ACMSD: variants seen among roughly 807,000 people sequenced by gnomAD.
ACMSD encodes the protein aminocarboxymuconate semialdehyde decarboxylase, also known as 2-amino-3-carboxymuconate-6-semialdehyde decarboxylase.
Under a neutral mutation model 45.9 loss-of-function variants are expected in ACMSD, and 37 were observed. The observed-to-expected ratio is 0.81, with a 90% CI of 0.62 to 1.06. ACMSD has a LOEUF of 1.06. ACMSD is among the 50% of genes least tolerant of loss of function. The pLI is 0.00. For synonymous variants in ACMSD, 138 were observed against 148.8 expected (o/e 0.93, Z 0.53); for missense variants, 434 against 420.9 (o/e 1.03, Z -0.27).
At chr2:134,884,252 C>A (rs934893971) in intron 8 of ACMSD, among the ~76,000 whole-genome samples, 8 of 152,162 alleles carry the variant, frequency 5.3e-5, no homozygotes, top group African/African-American at 1.7e-4. Context: ...CTGCAATGGG[C>A]ATCCAAAATC....
intron 2 of ACMSD, among the ~76,000 whole-genome samples, chr2:134,852,046 C>T (rs144119259): frequency 1.3e-5 from 2 of 152,026 alleles, no homozygotes; most frequent in South Asian, 2.1e-4. Flanking sequence ...CTGGATGAAT[C>T]GGGTTCCAAA....
chr2:134,857,885 T>C (rs1319450749), intron 2 of ACMSD: 1 of 151,026 alleles, frequency 6.6e-6, no homozygotes, highest in Non-Finnish European at 1.5e-5. Context: ...CCCACAGCTT[T>C]ATTCCTTCTA....
At chr2:134,873,150 G>T (rs546492575) in intron 8 of ACMSD, 1 of 161,520 alleles carries the variant, frequency 6.2e-6, no homozygotes, top group African/African-American at 2.4e-5. Flanking sequence ...GGAGTCAGGG[G>T]AAGATGATGA....
rs1291617442 is a variant in ACMSD at position 134,861,983 on chromosome 2, G to T, written c.214G>T (p.Ala72Ser). 6.2e-7 allele frequency: 1 copy of T among 1,614,138 alleles called. No individual in the cohort carries two copies. The highest frequency in any genetic ancestry group is 1.7e-5 in the Admixed American group (1 of 60,026). The change falls in exon 4 of 10, where the codon GCC becomes TCC. Residue 72 changes from alanine to serine, a missense_variant. Coordinates refer to ENST00000356140, the MANE Select transcript of ACMSD (RefSeq NM_138326.3). ...TCCATGTCTAGGAGTAACAGTGCAA[G>T]CCCTTTCCACAGTTCCTGTCATGTT... ...EMDQKGVTVQALSTVPVMFSY... is the reference protein window; with the variant it reads ...EMDQKGVTVQSLSTVPVMFSY...
At chr2:134,844,626 T>C (rs1686967356) in intron 1 of ACMSD, among the ~76,000 whole-genome samples, 1 of 152,170 alleles carries the variant, frequency 6.6e-6, no homozygotes, top group African/African-American at 2.4e-5. Flanking sequence ...TCTTAGTACT[T>C]CTGACCTACT....
In ACMSD at chr2:134,840,183, AAAAAAAAAAAC is replaced by A. The variant is rs1324380589; in HGVS notation, c.57+1445_57+1455del. ...TATACCTAGCAAAAAAAAAAAAAAA[AAAAAAAAAAAC>A]CACTAATTCCTCTGTTACAGCTTTT... On this transcript the variant is annotated intron_variant, in intron 1 of 9. Coordinates refer to ENST00000356140, the MANE Select transcript of ACMSD (RefSeq NM_138326.3). Among the ~76,000 whole-genome samples the A allele has an allele frequency of 1.9e-3, 280 of 144,110 alleles. 17 individuals carry two copies. Among genetic ancestry groups the A allele is most frequent in the East Asian group, 7.3e-3 (35 of 4,778 alleles). The allele number at this position is 144,110 out of a possible 152,430, so 94.5% of individuals were successfully genotyped here. A position where few individuals can be genotyped will look rare whatever the true frequency, so the allele number is the denominator to read the frequency against.
chr2:134,892,004 A>T (rs1163894142), intron 8 of ACMSD, among the ~76,000 whole-genome samples: 1 of 152,194 alleles, frequency 6.6e-6, no homozygotes, highest in African/African-American at 2.4e-5. Flanking sequence ...ACATGTTCTT[A>T]CTTACAAGTG....
In ACMSD at chr2:134,886,859, A is replaced by C. The variant is rs147577560; in HGVS notation, c.850-11482A>C. Among the ~76,000 whole-genome samples the C allele has an allele frequency of 7.3e-4, 111 of 152,322 alleles. 1 individual carries two copies. The highest frequency in any genetic ancestry group is 1.1e-3 in the Non-Finnish European group (74 of 68,026). On this transcript the variant is annotated intron_variant, in intron 8 of 9. Transcript: ENST00000356140. ...GTAATAAATTTTTAAGGACCCTACA[A>C]AGCAGTTACTGGAACTAATAAGTGG...
intron 4 of ACMSD, among the ~76,000 whole-genome samples, chr2:134,862,292 C>T (rs193105375): frequency 6.6e-6 from 1 of 152,182 alleles, no homozygotes; most frequent in Non-Finnish European, 1.5e-5. Context: ...TCCACCAGAA[C>T]TTACCTGTCT....
At chr2:134,868,033 C>T (rs1012273775) in intron 6 of ACMSD, among the ~76,000 whole-genome samples, 2 of 152,098 alleles carry the variant, frequency 1.3e-5, no homozygotes, top group Admixed American at 6.6e-5. Context: ...GACTCCAAAG[C>T]CAGTCTTGCT....
chr2:134,845,852 T>A (rs999147579), intron 2 of ACMSD, among the ~76,000 whole-genome samples: 3 of 152,172 alleles, frequency 2.0e-5, no homozygotes, highest in Admixed American at 2.0e-4. Flanking sequence ...AGGGCATGGG[T>A]CTGACTTCAT....
chr2:134,877,644 C>A (rs1688809395), intron 8 of ACMSD: 1 of 140,510 alleles, frequency 7.1e-6, no homozygotes, highest in South Asian at 2.2e-4. Flanking sequence ...AGTGAGTGAT[C>A]TGAGAGAGAA....
intron 8 of ACMSD, among the ~76,000 whole-genome samples, chr2:134,890,585 T>A (rs1251233007): frequency 6.6e-6 from 1 of 152,048 alleles, no homozygotes; most frequent in African/African-American, 2.4e-5. Flanking sequence ...AATGTTAAAT[T>A]TCCTGATTTT....
chr2:134,888,312 T>C (rs1309877008), intron 8 of ACMSD, among the ~76,000 whole-genome samples: 1 of 152,100 alleles, frequency 6.6e-6, no homozygotes, highest in Non-Finnish European at 1.5e-5. Context: ...CAATTTAAAC[T>C]ATGATGAGAA....
In ACMSD at chr2:134,867,741, T is replaced by C. The variant is rs1559052298; in HGVS notation, c.580+69T>C. ...GTTTTTCCAATCATCTATGGAAACC[T>C]ATTATGTCAAATAGGGAAAGTATGA... is the stretch of plus-strand genomic sequence containing the variant. On this transcript the variant is annotated intron_variant, in intron 6 of 9. Coordinates refer to ENST00000356140, the MANE Select transcript of ACMSD (RefSeq NM_138326.3). 7.0e-6 allele frequency: 9 copies of C among 1,280,676 alleles called. No homozygotes were observed. The East Asian group carries it at 1.6e-4, about 23-fold the overall frequency. The allele number at this position is 1,280,676 out of a possible 1,614,324, so 79.3% of individuals were successfully genotyped here. A position where few individuals can be genotyped will look rare whatever the true frequency, so the allele number is the denominator to read the frequency against.
chr2:134,867,318 A>G (rs1396477185), intron 5 of ACMSD: 6 of 268,662 alleles, frequency 2.2e-5, no homozygotes, highest in Non-Finnish European at 4.1e-5. Flanking sequence ...TTGTTTTACC[A>G]GATGATATAT....
At chr2:134,898,838 G>C (rs1236130078) in intron 9 of ACMSD, among the ~76,000 whole-genome samples, 1 of 152,048 alleles carries the variant, frequency 6.6e-6, no homozygotes, top group Non-Finnish European at 1.5e-5. Context: ...AAGGATCCAA[G>C]GAATCAGATC....
chr2:134,885,244 A>G lies in ACMSD; in HGVS notation c.849+12603A>G, dbSNP rs565818440. Among the ~76,000 whole-genome samples, 131 of 112,166 alleles carry G rather than the reference A, an allele frequency of 1.2e-3. 4 individuals carry two copies. In the Middle Eastern group the frequency reaches 0.044, roughly 37 times the overall value. 73.6% of individuals were successfully genotyped at this position (112,166 alleles called of 152,430 possible). On this transcript the variant is annotated intron_variant, in intron 8 of 9. Coordinates refer to ENST00000356140, the MANE Select transcript of ACMSD (RefSeq NM_138326.3). Reference sequence around the variant, plus strand: ...TTATATATAATACATATGTAAATATATATTTATATATAATATATATATAAA... The same window carrying G: ...TTATATATAATACATATGTAAATATGTATTTATATATAATATATATATAAA...
At chr2:134,860,758 G>T (rs1244457927) in intron 3 of ACMSD, among the ~76,000 whole-genome samples, 4 of 147,270 alleles carry the variant, frequency 2.7e-5, no homozygotes, top group Admixed American at 7.0e-5. Flanking sequence ...GGTAGTTCAT[G>T]CCTATAATCC....
Sources: gnomAD v4.1 joint callset for allele counts (sites outside exome capture counted in the v4.1 genomes callset) on GRCh38, gnomAD v4.1.1 for gene constraint, MANE v1.5 for transcripts, NCBI Gene and HGNC (gene_info 2026-07-23, HGNC 2026-07-21) for gene names.